SAMD4A: variants seen among roughly 807,000 people sequenced by gnomAD.
The protein encoded by SAMD4A is sterile alpha motif domain containing 4A, also known as protein Smaug homolog 1.
In SAMD4A, 33 loss-of-function variants were observed where a neutral mutation model predicts 81.3. The observed-to-expected ratio is 0.41, with a 90% CI of 0.31 to 0.54. The LOEUF (loss-of-function observed/expected upper bound fraction) is 0.54. Among genes scored for constraint, SAMD4A ranks in the 20% least tolerant of loss-of-function variants. The pLI is 0.37. For missense variants in SAMD4A, 854 were observed against 951.1 expected, an observed-to-expected ratio of 0.90 and a Z score of 1.34; for synonymous variants, 389 against 382.1, an observed-to-expected ratio of 1.02 and a Z score of -0.21.
chr14:54,586,694 A>C (rs534944445), intron 2 of SAMD4A, among the ~76,000 whole-genome samples: 1 of 151,960 alleles, frequency 6.6e-6, no homozygotes, highest in Non-Finnish European at 1.5e-5. Flanking sequence ...TCCTTTTCCC[A>C]CTTTTTGTTT....
Position 54,569,638 on chromosome 14 carries a change from G to A in SAMD4A, c.196+1526G>A, listed in dbSNP as rs866696872. Among the ~76,000 whole-genome samples the A allele has an allele frequency of 2.6e-5, 4 of 152,206 alleles. No individual in the cohort carries two copies. In the South Asian group the frequency reaches 8.3e-4, roughly 31 times the overall value. ...GGGTAACTGATGATCCACCCTCTTT[G>A]CTTCCTTCCTTAATTTCAGCGGGAA... On this transcript the variant is annotated intron_variant, in intron 2 of 12. Transcript: ENST00000554335.
At chr14:54,703,215 A>C (rs1189482489) in intron 3 of SAMD4A, 1 of 153,522 alleles carries the variant, frequency 6.5e-6, no homozygotes, top group Non-Finnish European at 1.4e-5. Context: ...GCTCAGTCCA[A>C]CACCTTAGGA....
At chr14:54,762,721 A>G (rs1337710481) in intron 7 of SAMD4A, among the ~76,000 whole-genome samples, 1 of 152,316 alleles carries the variant, frequency 6.6e-6, no homozygotes, top group African/African-American at 2.4e-5. Flanking sequence ...ATTCAAATTA[A>G]CAACATGGTG....
At chr14:54,685,106 T>A (rs956182199) in intron 2 of SAMD4A, among the ~76,000 whole-genome samples, 12 of 152,332 alleles carry the variant, frequency 7.9e-5, no homozygotes, top group African/African-American at 2.9e-4. Flanking sequence ...TGTATTTTTT[T>A]ATCATAACAT....
At position 54,611,318 on chromosome 14, in the gene SAMD4A, G is replaced by C. The variant is rs148025655; in HGVS notation, c.196+43206G>C. 2.0e-3 allele frequency among the ~76,000 whole-genome samples: 308 copies of C among 152,290 alleles called. 1 individual carries two copies. The highest frequency in any genetic ancestry group is 7.0e-3 in the African/African-American group (291 of 41,552). On this transcript the variant is annotated intron_variant, in intron 2 of 12. Coordinates refer to ENST00000554335, the MANE Select transcript of SAMD4A (RefSeq NM_015589.6). ...CCCCCACCAGTGGCCTTCACAGCTT[G>C]ACAGAGCGCTTCATTCTGCTGAATG...
At chr14:54,632,747 A>T (rs1270951773) in intron 2 of SAMD4A, among the ~76,000 whole-genome samples, 1 of 152,206 alleles carries the variant, frequency 6.6e-6, no homozygotes, top group Non-Finnish European at 1.5e-5. Flanking sequence ...TTTACCACTT[A>T]TTAGCTATGC....
At chr14:54,684,433 C>T (rs1165524302) in intron 2 of SAMD4A, among the ~76,000 whole-genome samples, 3 of 152,348 alleles carry the variant, frequency 2.0e-5, no homozygotes, top group South Asian at 4.1e-4. Flanking sequence ...TGGACCGAGG[C>T]GGGTGAGCCC....
chr14:54,746,993 G>T (rs975753737), intron 4 of SAMD4A, among the ~76,000 whole-genome samples: 8 of 152,198 alleles, frequency 5.3e-5, no homozygotes, highest in African/African-American at 1.4e-4. Flanking sequence ...GGAAAATGAA[G>T]CCTGGTGAAA....
At position 54,788,983 on chromosome 14, in the gene SAMD4A, G is replaced by A. The variant is rs750575698; in HGVS notation, c.*39G>A. 1.7e-5 allele frequency: 27 copies of A among 1,610,026 alleles called. No homozygotes were observed. In the East Asian group the frequency reaches 2.9e-4, roughly 17 times the overall value. On this transcript the variant is annotated 3_prime_UTR_variant, in exon 13 of 13. Coordinates refer to ENST00000554335, the MANE Select transcript of SAMD4A (RefSeq NM_015589.6). Reference sequence around the variant, plus strand: ...GAGTGACCGCGCTGGCCGTGAAATCGACTGCTGCGGGTCCAGTGTCCGCCA... The same window carrying A: ...GAGTGACCGCGCTGGCCGTGAAATCAACTGCTGCGGGTCCAGTGTCCGCCA...
At chr14:54,687,495 T>G in intron 2 of SAMD4A, 1 of 389,102 alleles carries the variant, frequency 2.6e-6, no homozygotes, top group Non-Finnish European at 5.1e-6. Flanking sequence ...ATTCAGTTAA[T>G]TCATTCCCAC....
intron 2 of SAMD4A, among the ~76,000 whole-genome samples, chr14:54,621,145 G>T (rs924897413): frequency 2.0e-5 from 3 of 152,138 alleles, no homozygotes; most frequent in Non-Finnish European, 4.4e-5. Context: ...GACCTTTAAG[G>T]CGAAGGTTTT....
At chr14:54,667,122 G>A (rs1362254338) in intron 2 of SAMD4A, among the ~76,000 whole-genome samples, 5 of 152,002 alleles carry the variant, frequency 3.3e-5, no homozygotes, top group African/African-American at 9.7e-5. Flanking sequence ...TTAATTTCAC[G>A]CTCTTGTATT....
At chr14:54,569,171 C>T (rs531989316) in intron 2 of SAMD4A, among the ~76,000 whole-genome samples, 23 of 152,178 alleles carry the variant, frequency 1.5e-4, no homozygotes, top group Admixed American at 2.6e-4. Context: ...GTTGGAGCTG[C>T]GAGCCTGCAA....
rs538538218 is a variant in SAMD4A at position 54,644,379 on chromosome 14, C to T, written c.197-57683C>T. On this transcript the variant is annotated intron_variant, in intron 2 of 12. Transcript: ENST00000554335. ...CCTAGTTTATTAATTTAAATGTTGA[C>T]GGGTAATAGCTAACTATTATTGGGC... Among the ~76,000 whole-genome samples the T allele has an allele frequency of 7.9e-5, 12 of 152,232 alleles. No individual in the cohort carries two copies. The South Asian group carries it at 2.1e-3, about 26-fold the overall frequency.
intron 8 of SAMD4A, among the ~76,000 whole-genome samples, chr14:54,766,353 AATTAGG>A (rs1450896742): frequency 2.0e-5 from 3 of 151,412 alleles, no homozygotes; most frequent in Admixed American, 6.5e-5. Context: ...GTAGTGAGAG[AATTAGG>A]CAGGTTACAG....
chr14:54,687,903 C>T (rs983283736), intron 2 of SAMD4A: 14 of 976,756 alleles, frequency 1.4e-5, no homozygotes, highest in African/African-American at 8.8e-5. Flanking sequence ...TGGGGCTGGG[C>T]TGCTGTCCCT....
rs140963367 is a variant in SAMD4A at position 54,615,288 on chromosome 14, G to A, written c.196+47176G>A. Among the ~76,000 whole-genome samples the A allele has an allele frequency of 1.4e-3, 218 of 152,280 alleles. 1 individual carries two copies. The highest frequency in any genetic ancestry group is 0.014 in the Admixed American group (213 of 15,304). ...GGGCAGATGTCATTACTTCCATTTT[G>A]CAGTTGAGGAAATACCTGAGATTAT... On this transcript the variant is annotated intron_variant, in intron 2 of 12. Transcript: ENST00000554335.
chr14:54,666,620 A>G (rs1233085218), intron 2 of SAMD4A, among the ~76,000 whole-genome samples: 2 of 152,094 alleles, frequency 1.3e-5, no homozygotes, highest in African/African-American at 4.8e-5. Flanking sequence ...CTGCTAACCA[A>G]TTTATATTAT....
chr14:54,739,174 T>G (rs1374287643), intron 4 of SAMD4A, among the ~76,000 whole-genome samples: 2 of 150,192 alleles, frequency 1.3e-5, no homozygotes, highest in African/African-American at 4.9e-5. Context: ...AACAGGTTTT[T>G]TAAGAGAAAT....
Sources: gnomAD v4.1 joint callset for allele counts (sites outside exome capture counted in the v4.1 genomes callset) on GRCh38, gnomAD v4.1.1 for gene constraint, MANE v1.5 for transcripts, NCBI Gene and HGNC (gene_info 2026-07-23, HGNC 2026-07-21) for gene names.